R3HDM2: variants seen among roughly 807,000 people sequenced by gnomAD.
The protein encoded by R3HDM2 is R3H domain containing 2, also known as R3H domain-containing protein 2.
In R3HDM2, 38 loss-of-function variants were observed where a neutral mutation model predicts 124.5. The ratio of observed to expected loss-of-function variants is 0.31; its 90% CI spans 0.24 to 0.40. R3HDM2 has a LOEUF of 0.40. Ranked by LOEUF, R3HDM2 falls within the 10% of genes least tolerant of loss-of-function variation. R3HDM2 has a pLI of 1.00. For synonymous variants in R3HDM2, 391 were observed against 448.0 expected (o/e 0.87, Z 1.61); for missense variants, 869 against 1,236.9 (o/e 0.70, Z 4.46).
intron 3 of R3HDM2, among the ~76,000 whole-genome samples, chr12:57,303,980 T>G (rs2051936535): frequency 6.6e-6 from 1 of 152,192 alleles, no homozygotes; most frequent in Admixed American, 6.5e-5. Flanking sequence ...CACAGAAGCC[T>G]ATTTAATCAA....
intron 3 of R3HDM2, among the ~76,000 whole-genome samples, chr12:57,307,999 C>T (rs2053078803): frequency 6.6e-6 from 1 of 151,672 alleles, no homozygotes; most frequent in South Asian, 2.1e-4. Context: ...AGAGAGGAGG[C>T]AGGTCCCCTT....
At chr12:57,342,980 A>T (rs1214360902) in intron 2 of R3HDM2, among the ~76,000 whole-genome samples, 1 of 152,180 alleles carries the variant, frequency 6.6e-6, no homozygotes, top group Non-Finnish European at 1.5e-5. Flanking sequence ...TTTGGCTATA[A>T]AATGAGGGAA....
intron 15 of R3HDM2, 23 bp downstream of exon 15, chr12:57,269,729 A>C: frequency 6.2e-7 from 1 of 1,613,976 alleles, no homozygotes; most frequent in Non-Finnish European, 8.5e-7. Context: ...AAGTGATTTA[A>C]GCTGGGAACT....
intron 2 of R3HDM2, among the ~76,000 whole-genome samples, 173 bp from the exon 3 acceptor site, chr12:57,310,636 T>C (rs2053707043): frequency 6.6e-6 from 1 of 152,154 alleles, no homozygotes; most frequent in Admixed American, 6.6e-5. Flanking sequence ...AAAAACTTTA[T>C]TGAGGTAAAA....
intron 4 of R3HDM2, among the ~76,000 whole-genome samples, chr12:57,300,546 A>T (rs1175241166): frequency 1.3e-5 from 2 of 152,210 alleles, no homozygotes; most frequent in African/African-American, 4.8e-5. Flanking sequence ...CTGAGAGCCA[A>T]AAGTCCTAGC....
At chr12:57,333,081 A>G (rs2058406802) in intron 2 of R3HDM2, among the ~76,000 whole-genome samples, 1 of 152,218 alleles carries the variant, frequency 6.6e-6, no homozygotes, top group Non-Finnish European at 1.5e-5. Flanking sequence ...AATTTCTATG[A>G]ATGAATCATT....
chr12:57,269,905 C>T lies in R3HDM2; in HGVS notation c.1434G>A (p.Gln478=), dbSNP rs371576572. The change falls in exon 15 of 24, where the codon CAG becomes CAA. Residue 478 remains glutamine, a synonymous_variant. Transcript: ENST00000402412. Reference sequence around the variant, plus strand: ...GAGGGTGCTGGGAGATAAGTGGGGTCTGGAATAGAGCTGCAGATGGGTCAG... The same window carrying T: ...GAGGGTGCTGGGAGATAAGTGGGGTTTGGAATAGAGCTGCAGATGGGTCAG... The part of the protein sequence containing the change: ...EAADPSAALF[Q]TPLISQHPQQ... 6 of 1,613,942 alleles carry T rather than the reference C, an allele frequency of 3.7e-6. No individual in the cohort carries two copies. In the African/African-American group the frequency reaches 8.0e-5, roughly 22 times the overall value.
At chr12:57,370,579 G>A (rs1221738505) in intron 2 of R3HDM2, among the ~76,000 whole-genome samples, 8 of 152,144 alleles carry the variant, frequency 5.3e-5, no homozygotes, top group Non-Finnish European at 1.0e-4. Flanking sequence ...GGTGGAGGTT[G>A]CGGTGAGCCA....
At chr12:57,261,407 G>A (rs1453948642) in intron 19 of R3HDM2, among the ~76,000 whole-genome samples, 1 of 152,200 alleles carries the variant, frequency 6.6e-6, no homozygotes, top group Non-Finnish European at 1.5e-5. Context: ...GGAGAAGGGG[G>A]TGAGTGTGTA....
chr12:57,335,945 A>G (rs571812828), intron 2 of R3HDM2, among the ~76,000 whole-genome samples: 10 of 152,150 alleles, frequency 6.6e-5, no homozygotes, highest in African/African-American at 2.4e-4. Context: ...ATGAACAGAC[A>G]CTTCTCAAAA....
chr12:57,260,995 A>T (rs1419688213), intron 19 of R3HDM2, among the ~76,000 whole-genome samples: 1 of 152,204 alleles, frequency 6.6e-6, no homozygotes, highest in Admixed American at 6.5e-5. Context: ...GAGCACAAAT[A>T]CTCAGTGCAA....
intron 19 of R3HDM2, among the ~76,000 whole-genome samples, chr12:57,262,522 G>T (rs565092377): frequency 6.6e-6 from 1 of 152,162 alleles, no homozygotes; most frequent in Non-Finnish European, 1.5e-5. Context: ...AGGCCTGGGG[G>T]TAAACAGGGC....
chr12:57,368,842 A>AC (rs2062974105), intron 2 of R3HDM2, among the ~76,000 whole-genome samples: 1 of 151,956 alleles, frequency 6.6e-6, no homozygotes, highest in Non-Finnish European at 1.5e-5. Context: ...AAACTATTGA[A>AC]CCCGAGGGTG....
chr12:57,402,692 C>T (rs2068147351), intron 1 of R3HDM2, among the ~76,000 whole-genome samples: 1 of 151,248 alleles, frequency 6.6e-6, no homozygotes, highest in Non-Finnish European at 1.5e-5. Flanking sequence ...ATCACTTCAA[C>T]CCGGGAGGCA....
chr12:57,354,107 T>C (rs1342659078), intron 2 of R3HDM2, among the ~76,000 whole-genome samples: 1 of 151,818 alleles, frequency 6.6e-6, no homozygotes, highest in African/African-American at 2.4e-5. Flanking sequence ...TGACCTCAGG[T>C]GTCTGCCCAC....
At chr12:57,377,712 C>A (rs953685858) in intron 2 of R3HDM2, among the ~76,000 whole-genome samples, 1 of 152,072 alleles carries the variant, frequency 6.6e-6, no homozygotes, top group Non-Finnish European at 1.5e-5. Context: ...CCTACCTAGC[C>A]CTATCACATA....
intron 1 of R3HDM2, among the ~76,000 whole-genome samples, chr12:57,427,705 G>T (rs1413898491): frequency 2.6e-5 from 4 of 151,966 alleles, no homozygotes; most frequent in Non-Finnish European, 2.9e-5. Flanking sequence ...GGTTGATAAG[G>T]GTTAAGGCAG....
chr12:57,321,086 GACTGA>G (rs1376121425), intron 2 of R3HDM2, among the ~76,000 whole-genome samples: 1 of 152,068 alleles, frequency 6.6e-6, no homozygotes, highest in Non-Finnish European at 1.5e-5. Flanking sequence ...TAATAAAAAA[GACTGA>G]ACTATAGGCT....
At chr12:57,361,761 T>G (rs2061993905) in intron 2 of R3HDM2, among the ~76,000 whole-genome samples, 2 of 152,110 alleles carry the variant, frequency 1.3e-5, no homozygotes. Context: ...ATATGACAAC[T>G]AAAGCAAAAG....
Sources: gnomAD v4.1 joint callset for allele counts (sites outside exome capture counted in the v4.1 genomes callset) on GRCh38, gnomAD v4.1.1 for gene constraint, MANE v1.5 for transcripts, NCBI Gene and HGNC (gene_info 2026-07-23, HGNC 2026-07-21) for gene names.